ACTN4: variants seen among roughly 807,000 people sequenced by gnomAD.
The protein encoded by ACTN4 is actinin alpha 4, also known as alpha-actinin-4.
Under a neutral mutation model 114.2 loss-of-function variants are expected in ACTN4, and 18 were observed. The observed-to-expected ratio is 0.16, with a 90% CI of 0.11 to 0.23. The LOEUF (loss-of-function observed/expected upper bound fraction) is 0.23. Ranked by LOEUF, ACTN4 falls within the 10% of genes least tolerant of loss-of-function variation. The probability of loss-of-function intolerance (pLI) is 1.00; values close to 1 mark genes in which losing one functional copy is unlikely to be tolerated. For missense variants in ACTN4, 722 were observed against 1,262.9 expected, an observed-to-expected ratio of 0.57 and a Z score of 6.49; for synonymous variants, 515 against 506.3, an observed-to-expected ratio of 1.02 and a Z score of -0.23.
Position 38,726,926 on chromosome 19 carries a change from G to A in ACTN4, c.2191-31G>A, listed in dbSNP as rs772151471. ...ACGGTGAGGACAGTTCACAGCACCC[G>A]GCCCACGATCACGCCCCCGTCTTTC... On this transcript the variant is annotated intron_variant, in intron 17 of 20. Transcript: ENST00000252699. The A allele has an allele frequency of 1.3e-5, 21 of 1,612,616 alleles. No homozygotes were observed. In the South Asian group the frequency reaches 1.4e-4, roughly 11 times the overall value.
chr19:38,703,236 ATTTTTT>A (rs34017553), intron 3 of ACTN4, among the ~76,000 whole-genome samples: 1 of 132,616 alleles, frequency 7.5e-6, no homozygotes, highest in Non-Finnish European at 1.6e-5. Context: ...AGTTTCAGCA[ATTTTTT>A]TTTTTTTTTT....
At chr19:38,682,649 C>A (rs774160969) in intron 1 of ACTN4, among the ~76,000 whole-genome samples, 1 of 152,204 alleles carries the variant, frequency 6.6e-6, no homozygotes, top group Non-Finnish European at 1.5e-5. Flanking sequence ...GCGTTCTCCG[C>A]GCGAAATCTG....
In ACTN4 at chr19:38,706,086, A is replaced by G; in HGVS notation, c.527A>G (p.Lys176Arg). The change falls in exon 5 of 21, where the codon AAG (lysine) becomes AGG (arginine). Residue 176 changes from lysine to arginine, a missense_variant. Transcript: ENST00000252699. The part of the protein sequence containing the change: ...KEGLLLWCQR[K>R]TAPYKNVNVQ... ...GGGCTCCTTCTCTGGTGCCAGAGAA[A>G]GACAGCCCCGTATAAGAACGTCAAT... is the stretch of plus-strand genomic sequence containing the variant. 1 of 1,614,184 alleles carries G rather than the reference A, an allele frequency of 6.2e-7. No homozygotes were observed. Among genetic ancestry groups the G allele is most frequent in the Non-Finnish European group, 8.5e-7 (1 of 1,180,002 alleles).
intron 1 of ACTN4, among the ~76,000 whole-genome samples, chr19:38,673,701 T>TTATATATTCTTA (rs1967271090): frequency 1.6e-5 from 1 of 60,616 alleles, no homozygotes; most frequent in Non-Finnish European, 3.5e-5. Context: ...TTATATATAT[T>TTATATATTCTTA]TATATATTTA....
At chr19:38,718,921 C>G (rs1156961214) in intron 11 of ACTN4, among the ~76,000 whole-genome samples, 1 of 152,224 alleles carries the variant, frequency 6.6e-6, no homozygotes, top group East Asian at 1.9e-4. Context: ...GGACCACAGC[C>G]AGTGCTCACC....
chr19:38,664,228 C>T (rs1173002271), intron 1 of ACTN4, among the ~76,000 whole-genome samples: 1 of 152,072 alleles, frequency 6.6e-6, no homozygotes, highest in Non-Finnish European at 1.5e-5. Context: ...AAATAACTGC[C>T]TTAGTGCTGC....
chr19:38,679,005 A>T (rs995212829), intron 1 of ACTN4, among the ~76,000 whole-genome samples: 4 of 152,200 alleles, frequency 2.6e-5, no homozygotes, highest in African/African-American at 9.7e-5. Context: ...CAGGGAACTT[A>T]GTGGGAATTT....
intron 1 of ACTN4, among the ~76,000 whole-genome samples, chr19:38,662,914 T>G (rs796699811): frequency 5.3e-5 from 8 of 151,866 alleles, no homozygotes; most frequent in African/African-American, 1.9e-4. Context: ...GGTCTGTTTT[T>G]TTTTTTTTTT....
chr19:38,673,537 T>TATTCATATA (rs1967224811), intron 1 of ACTN4, among the ~76,000 whole-genome samples: 3 of 32,324 alleles, frequency 9.3e-5, no homozygotes, highest in Non-Finnish European at 1.8e-4. Flanking sequence ...TCATATATAC[T>TATTCATATA]TATATATATT....
intron 1 of ACTN4, among the ~76,000 whole-genome samples, chr19:38,686,153 C>T (rs1427991923): frequency 6.6e-6 from 1 of 152,174 alleles, no homozygotes; most frequent in Non-Finnish European, 1.5e-5. Context: ...ATAACAATCC[C>T]ATCAGTGCCC....
chr19:38,668,321 A>C (rs534099859), intron 1 of ACTN4, among the ~76,000 whole-genome samples: 2 of 152,294 alleles, frequency 1.3e-5, no homozygotes, highest in African/African-American at 4.8e-5. Context: ...CCTGACATTT[A>C]CCCAGATACC....
At chr19:38,651,749 T>G (rs1242584095) in intron 1 of ACTN4, among the ~76,000 whole-genome samples, 1 of 152,144 alleles carries the variant, frequency 6.6e-6, no homozygotes, top group Non-Finnish European at 1.5e-5. Flanking sequence ...TTGTTTTGTT[T>G]TTTTTGAGAC....
rs1968774718 is a variant in ACTN4 at position 38,714,493 on chromosome 19, T to C, written c.844T>C (p.Cys282Arg). The change falls in exon 9 of 21, where the codon TGT becomes CGT. Residue 282 changes from cysteine to arginine, a missense_variant. Coordinates refer to ENST00000252699, the MANE Select transcript of ACTN4 (RefSeq NM_004924.6). ...GGCTGAAACTGCCGCCAACCGGATC[T>C]GTAAGGTGCTGGCTGTCAACCAAGA... ...QKAETAANRI[C>R]KVLAVNQENE... The C allele has an allele frequency of 6.2e-7, 1 of 1,613,850 alleles. No homozygotes were observed. The highest frequency in any genetic ancestry group is 8.5e-7 in the Non-Finnish European group (1 of 1,180,020).
Position 38,714,521 on chromosome 19 carries a change from A to G in ACTN4, c.872A>G (p.Asn291Ser). The change falls in exon 9 of 21, where the codon AAC (asparagine) becomes AGC (serine). Residue 291 changes from asparagine to serine, a missense_variant. Physicochemically the swap from Asn to Ser is conservative, Grantham distance 46. Transcript: ENST00000252699. ...AAGGTGCTGGCTGTCAACCAAGAGAACGAGCACCTGATGGAGGACTACGAG... is the reference window on the plus strand; with the variant it reads ...AAGGTGCTGGCTGTCAACCAAGAGAGCGAGCACCTGATGGAGGACTACGAG... Reference protein sequence around the residue: ...ICKVLAVNQENEHLMEDYEKL... With the variant: ...ICKVLAVNQESEHLMEDYEKL... The G allele has an allele frequency of 6.2e-7, 1 of 1,613,956 alleles. No individual in the cohort carries two copies. The highest frequency in any genetic ancestry group is 8.5e-7 in the Non-Finnish European group (1 of 1,180,012).
chr19:38,701,956 C>T lies in ACTN4; in HGVS notation c.397+835C>T, dbSNP rs138500539. Among the ~76,000 whole-genome samples the T allele has an allele frequency of 2.2e-3, 334 of 152,354 alleles. 2 individuals carry two copies. Among genetic ancestry groups the T allele is most frequent in the African/African-American group, 7.9e-3 (327 of 41,584 alleles). On this transcript the variant is annotated intron_variant, in intron 3 of 20. Coordinates refer to ENST00000252699, the MANE Select transcript of ACTN4 (RefSeq NM_004924.6). ...GGGCCAGAATGTGTGTGCTGAGTTC[C>T]AAGGCTCTGCCCCGGCCCAGGACCT...
chr19:38,727,549 G>A lies in ACTN4; in HGVS notation c.2338-397G>A, dbSNP rs1337247885. On this transcript the variant is annotated intron_variant, in intron 18 of 20. Coordinates refer to ENST00000252699, the MANE Select transcript of ACTN4 (RefSeq NM_004924.6). The surrounding 1 kb of genome is among the most constrained non-coding windows in gnomAD (Gnocchi z 5.4). ...GGGCTGACGGACTGAGAAGTGTGCA[G>A]CCTCAGCTCTGCACCTGGCGCCCCC... 2.6e-5 allele frequency among the ~76,000 whole-genome samples: 4 copies of A among 151,746 alleles called. No individual in the cohort carries two copies. Among genetic ancestry groups the A allele is most frequent in the African/African-American group, 9.7e-5 (4 of 41,292 alleles).
Position 38,717,267 on chromosome 19 carries a change from G to A in ACTN4, c.1094G>A (p.Arg365His), listed in dbSNP as rs1968872714. Residue 365 changes from arginine to histidine, a missense_variant, in exon 10 of 21, where the codon CGC becomes CAC. Around this residue, in one of 3 missense-constraint regions of ACTN4, gnomAD observed 523 missense variants for 875.9 expected, o/e 0.60. Coordinates refer to ENST00000252699, the MANE Select transcript of ACTN4 (RefSeq NM_004924.6). The surrounding 1 kb of genome is among the most constrained non-coding windows in gnomAD (Gnocchi z 4.0). ...TTCAACACGCTGCAGACCAAGCTGC[G>A]CCTCAGCAACCGGCCCGCCTTCATG... ...INFNTLQTKLRLSNRPAFMPS... is the reference protein window; with the variant it reads ...INFNTLQTKLHLSNRPAFMPS... The A allele has an allele frequency of 6.2e-7, 1 of 1,614,050 alleles. No individual in the cohort carries two copies. The highest frequency in any genetic ancestry group is 1.7e-5 in the Admixed American group (1 of 59,998).
At chr19:38,663,083 G>GT (rs1976937171) in intron 1 of ACTN4, among the ~76,000 whole-genome samples, 1 of 152,012 alleles carries the variant, frequency 6.6e-6, no homozygotes, top group Non-Finnish European at 1.5e-5. Flanking sequence ...CTAGTTTTTT[G>GT]TATTTTTAGT....
At chr19:38,708,072 G>A (rs2145022514) in intron 5 of ACTN4, 45 bp from the exon 6 acceptor site, 1 of 1,589,614 alleles carries the variant, frequency 6.3e-7, no homozygotes, top group East Asian at 2.2e-5. Context: ...GCACTCTCAT[G>A]ACAGTGAGCG....
Sources: gnomAD v4.1 joint callset for allele counts (sites outside exome capture counted in the v4.1 genomes callset) on GRCh38, gnomAD v4.1.1 for gene constraint, gnomAD v4.1.1 regional missense constraint, Gnocchi (gnomAD v3.1) non-coding constraint, MANE v1.5 for transcripts, NCBI Gene and HGNC (gene_info 2026-07-23, HGNC 2026-07-21) for gene names.